The following C12orf42 variants were observed in gnomAD, a reference collection of about 807,000 sequenced individuals.
C12orf42 encodes chromosome 12 open reading frame 42, also known as uncharacterized protein C12orf42.
Under a neutral mutation model 21.6 loss-of-function variants are expected in C12orf42, and 25 were observed. The observed-to-expected ratio is 1.16, with a 90% CI of 0.84 to 1.62. The LOEUF is 1.62. Among genes scored for constraint, C12orf42 ranks in the 40% most tolerant of loss-of-function variants. The pLI is 0.00. For synonymous variants in C12orf42, 174 were observed against 175.0 expected (o/e 0.99, Z 0.05); for missense variants, 483 against 459.3 (o/e 1.05, Z -0.47).
At chr12:103,442,444 C>G (rs1951308087) in intron 2 of C12orf42, among the ~76,000 whole-genome samples, 1 of 152,150 alleles carries the variant, frequency 6.6e-6, no homozygotes, top group Admixed American at 6.5e-5. Context: ...TCTTCGCAGG[C>G]TGAAGACAAG....
intron 4 of C12orf42, among the ~76,000 whole-genome samples, chr12:103,279,843 G>C (rs1398400515): frequency 6.6e-6 from 1 of 152,214 alleles, no homozygotes; most frequent in African/African-American, 2.4e-5. Flanking sequence ...AGGTAACCCA[G>C]ACATAAGTTG....
At chr12:103,050,245 T>C in the C12orf42 span, among the ~76,000 whole-genome samples, 1 of 152,238 alleles carries the variant, frequency 6.6e-6, no homozygotes, top group South Asian at 2.1e-4. Flanking sequence ...TGTGTGTGTG[T>C]GTGTGTGTAT....
At chr12:103,231,761 T>G in the C12orf42 span, among the ~76,000 whole-genome samples, 1 of 152,248 alleles carries the variant, frequency 6.6e-6, no homozygotes, top group Non-Finnish European at 1.5e-5. Context: ...TGAATAAAGC[T>G]GTTATACACA....
the C12orf42 span, among the ~76,000 whole-genome samples, chr12:103,074,486 T>C: frequency 2.0e-5 from 3 of 152,056 alleles, no homozygotes; most frequent in Non-Finnish European, 4.4e-5. Flanking sequence ...GAAAGAGTAC[T>C]GAATGCAAGA....
the C12orf42 span, among the ~76,000 whole-genome samples, chr12:103,108,977 T>C: frequency 2.9e-4 from 44 of 152,312 alleles, no homozygotes; most frequent in South Asian, 2.9e-3. Flanking sequence ...GAGAGATACA[T>C]ATGTCCTTGT....
chr12:103,507,220 TAA>T, the C12orf42 span, among the ~76,000 whole-genome samples: 2 of 39,964 alleles, frequency 5.0e-5, no homozygotes, highest in African/African-American at 2.1e-4. Flanking sequence ...ATATAATATA[TAA>T]ATATAAATAT....
the C12orf42 span, among the ~76,000 whole-genome samples, chr12:103,112,128 G>A: frequency 6.6e-6 from 1 of 152,192 alleles, no homozygotes; most frequent in Non-Finnish European, 1.5e-5. Context: ...ACAGGGTTGT[G>A]TGCAAAAACC....
chr12:103,305,850 C>T, intron 5 of C12orf42, 124 bp downstream of exon 5: 1 of 1,224,874 alleles, frequency 8.2e-7, no homozygotes, highest in Non-Finnish European at 1.1e-6. Context: ...TACTACAGTT[C>T]TTACAGTACC....
intron 3 of C12orf42, among the ~76,000 whole-genome samples, chr12:103,401,006 T>C (rs1478878293): frequency 6.6e-6 from 1 of 152,138 alleles, no homozygotes; most frequent in Non-Finnish European, 1.5e-5. Flanking sequence ...AAAGCTCCGG[T>C]GGGACTGAAT....
At chr12:103,359,409 C>A (rs2043881364) in intron 4 of C12orf42, among the ~76,000 whole-genome samples, 1 of 152,022 alleles carries the variant, frequency 6.6e-6, no homozygotes, top group Admixed American at 6.6e-5. Context: ...AAAACTGAAA[C>A]AACCCAAATG....
chr12:103,396,284 C>T (rs960025241), intron 3 of C12orf42, among the ~76,000 whole-genome samples: 4 of 152,032 alleles, frequency 2.6e-5, no homozygotes, highest in Admixed American at 6.6e-5. Flanking sequence ...GTTTCCCTTG[C>T]ACTCTCTCTC....
chr12:103,388,974 T>C (rs530452108), intron 3 of C12orf42, among the ~76,000 whole-genome samples: 1 of 152,326 alleles, frequency 6.6e-6, no homozygotes, highest in Non-Finnish European at 1.5e-5. Context: ...TGGGCTGTGC[T>C]TGCTTTCCAG....
At chr12:103,296,420 A>T (rs2037290694) in intron 4 of C12orf42, among the ~76,000 whole-genome samples, 1 of 152,102 alleles carries the variant, frequency 6.6e-6, no homozygotes, top group Admixed American at 6.6e-5. Flanking sequence ...CTAGTTCTAG[A>T]TCCCTGAGGA....
At chr12:103,440,216 C>G (rs1363250682) in intron 2 of C12orf42, among the ~76,000 whole-genome samples, 1 of 139,194 alleles carries the variant, frequency 7.2e-6, no homozygotes, top group African/African-American at 2.7e-5. Context: ...AATGAGATCA[C>G]ATGGACACAG....
the C12orf42 span, among the ~76,000 whole-genome samples, chr12:103,204,926 AAGAG>A: frequency 6.6e-6 from 1 of 151,832 alleles, no homozygotes; most frequent in Non-Finnish European, 1.5e-5. Flanking sequence ...CACTAGGAAA[AAGAG>A]AAAGTTAAAA....
the C12orf42 span, among the ~76,000 whole-genome samples, chr12:103,553,347 G>A: frequency 1.3e-5 from 2 of 152,076 alleles, no homozygotes; most frequent in Non-Finnish European, 2.9e-5. Context: ...CATATGACTC[G>A]CAGGCTCACT....
At chr12:103,393,421 C>T (rs116916180) in intron 3 of C12orf42, among the ~76,000 whole-genome samples, 1 of 152,134 alleles carries the variant, frequency 6.6e-6, no homozygotes, top group Non-Finnish European at 1.5e-5. Context: ...GGATCCACGT[C>T]CATAACCCAA....
At chr12:103,479,635 T>C (rs2138038216) in intron 1 of C12orf42, among the ~76,000 whole-genome samples, 1 of 152,206 alleles carries the variant, frequency 6.6e-6, no homozygotes, top group Admixed American at 6.5e-5. Context: ...GTAGAAGTTT[T>C]TGGTTTTAAA....
At chr12:103,233,725 G>A (rs1203425156), downstream of C12orf42, among the ~76,000 whole-genome samples, 3 of 152,094 alleles carry the variant, frequency 2.0e-5, no homozygotes, top group Non-Finnish European at 4.4e-5. Context: ...TTTTTGTCCA[G>A]GAACTTTACA....
Sources: gnomAD v4.1 joint callset for allele counts (sites outside exome capture counted in the v4.1 genomes callset) on GRCh38, gnomAD v4.1.1 for gene constraint, MANE v1.5 for transcripts, NCBI Gene and HGNC (gene_info 2026-07-23, HGNC 2026-07-21) for gene names.